The following MYOM2 variants were observed in gnomAD, a reference collection of about 807,000 sequenced individuals.
The protein encoded by MYOM2 is myomesin 2, also known as myomesin-2.
MYOM2 carries 254 observed loss-of-function variants against 187.6 expected under a neutral mutation model. The ratio of observed to expected loss-of-function variants is 1.35; its 90% CI spans 1.22 to 1.50. MYOM2 has a LOEUF of 1.50. MYOM2 is among the 40% of genes most tolerant of loss of function. The pLI is 0.00. For synonymous variants in MYOM2, 981 were observed against 753.8 expected (o/e 1.30, Z -4.94); for missense variants, 2,796 against 1,924.0 (o/e 1.45, Z -8.48).
At chr8:2,121,810 T>C (rs991385822) in intron 28 of MYOM2, among the ~76,000 whole-genome samples, 1 of 152,206 alleles carries the variant, frequency 6.6e-6, no homozygotes, top group Non-Finnish European at 1.5e-5. Context: ...CGCTGACTCT[T>C]AGGAAGTGTG....
intron 10 of MYOM2, among the ~76,000 whole-genome samples, 164 bp from the exon 11 acceptor site, chr8:2,075,977 A>G (rs905567222): frequency 7.9e-5 from 12 of 152,212 alleles, no homozygotes; most frequent in African/African-American, 2.9e-4. Flanking sequence ...ATTTCTTGTC[A>G]CCAACCCGCC....
chr8:2,115,763 C>T (rs988538834), intron 25 of MYOM2, among the ~76,000 whole-genome samples, 197 bp from the exon 26 acceptor site: 5 of 152,224 alleles, frequency 3.3e-5, no homozygotes, highest in African/African-American at 1.2e-4. Context: ...CACAGCCAGG[C>T]TTTGTCACTG....
chr8:2,137,698 T>C (rs62480008), intron 32 of MYOM2, among the ~76,000 whole-genome samples: 56,196 of 151,862 alleles, frequency 0.37, 11,279 homozygotes, highest in African/African-American at 0.53. Flanking sequence ...GAGTTCCACA[T>C]GCTTGTGGAA....
chr8:2,108,663 C>A (rs753197531), intron 23 of MYOM2, 123 bp from the exon 24 acceptor site: 44 of 930,824 alleles, frequency 4.7e-5, no homozygotes, highest in Non-Finnish European at 7.4e-5. Context: ...GTTTAAATTC[C>A]TTTCGTGTCC....
chr8:2,138,829 G>A (rs74509300), intron 32 of MYOM2, among the ~76,000 whole-genome samples: 1 of 150,680 alleles, frequency 6.6e-6, no homozygotes, highest in East Asian at 2.0e-4. Flanking sequence ...AAGTCTCAGG[G>A]TGAAGCCAAT....
At chr8:2,057,324 G>C in intron 3 of MYOM2, 24 bp from the exon 4 acceptor site, 1 of 1,586,352 alleles carries the variant, frequency 6.3e-7, no homozygotes, top group Non-Finnish European at 8.6e-7. Flanking sequence ...TCCTGCAACT[G>C]AGGCTGCTTC....
intron 14 of MYOM2, 24 bp from the exon 15 acceptor site, chr8:2,089,984 T>C (rs745806269): frequency 9.9e-6 from 16 of 1,610,962 alleles, no homozygotes; most frequent in Admixed American, 1.7e-5. Flanking sequence ...TCACTGCCAG[T>C]CTCGTTTCTG....
At chr8:2,140,322 A>C (rs886836520) in intron 32 of MYOM2, among the ~76,000 whole-genome samples, 2 of 152,066 alleles carry the variant, frequency 1.3e-5, no homozygotes, top group African/African-American at 4.8e-5. Flanking sequence ...GCGGTCGTGA[A>C]CGATACTACG....
intron 25 of MYOM2, among the ~76,000 whole-genome samples, chr8:2,110,770 A>G (rs1030287287): frequency 7.2e-5 from 11 of 152,190 alleles, no homozygotes; most frequent in African/African-American, 2.7e-4. Context: ...TGGACCCCTC[A>G]TTGCAGTCCA....
intron 17 of MYOM2, among the ~76,000 whole-genome samples, chr8:2,095,184 G>A (rs764660086): frequency 2.0e-5 from 3 of 152,078 alleles, no homozygotes; most frequent in Non-Finnish European, 4.4e-5. Flanking sequence ...GTACAATAGC[G>A]CTGACTCTTT....
At position 2,096,129 on chromosome 8, in the gene MYOM2, T is replaced by G. The variant is rs903399611; in HGVS notation, c.2126-118T>G. On this transcript the variant is annotated intron_variant, in intron 17 of 36. Coordinates refer to ENST00000262113, the MANE Select transcript of MYOM2 (RefSeq NM_003970.4). ...GGTTGAGAGGGATCAGAGGGCACAG[T>G]GTTCAGGCCCGTCTCCACGTTGCTT... 497 of 896,374 alleles carry G rather than the reference T, an allele frequency of 5.5e-4. 7 individuals are homozygous for G. Among genetic ancestry groups the G allele is most frequent in the Admixed American group, 3.8e-4 (17 of 44,360 alleles). 55.5% of individuals were successfully genotyped at this position (896,374 alleles called of 1,614,324 possible).
At chr8:2,098,802 G>A in intron 18 of MYOM2, 55 bp from the exon 19 acceptor site, 1 of 1,534,610 alleles carries the variant, frequency 6.5e-7, no homozygotes, top group African/African-American at 1.4e-5. Flanking sequence ...CTCCCCCTCA[G>A]TGGGCTGTAA....
rs1436343874 is a variant in MYOM2, at chr8:2,124,208, A to C, written c.3685A>C (p.Arg1229=). The change falls in exon 31 of 37, where the codon AGA becomes CGA. Residue 1229 remains arginine, a synonymous_variant. Transcript: ENST00000262113. The part of the protein sequence containing the change: ...VYDDMILAMS[R]VCGKSASPLK... Reference sequence around the variant, plus strand: ...TGATGATATGATTTTGGCAATGAGTAGAGTCTGTGGTAAGTAAATGCCTTT... The same window carrying C: ...TGATGATATGATTTTGGCAATGAGTCGAGTCTGTGGTAAGTAAATGCCTTT... 16 of 1,612,720 alleles carry C rather than the reference A, an allele frequency of 9.9e-6. No individual in the cohort carries two copies. Among genetic ancestry groups the C allele is most frequent in the East Asian group, 2.2e-5 (1 of 44,882 alleles).
chr8:2,049,161 T>C (rs1039221119), intron 1 of MYOM2, among the ~76,000 whole-genome samples: 1 of 152,206 alleles, frequency 6.6e-6, no homozygotes, highest in Admixed American at 6.5e-5. Flanking sequence ...TGGTGCACTC[T>C]AAAACACGGC....
intron 6 of MYOM2, among the ~76,000 whole-genome samples, chr8:2,067,813 T>C (rs1184611168): frequency 1.3e-5 from 2 of 152,172 alleles, no homozygotes; most frequent in African/African-American, 4.8e-5. Flanking sequence ...GGAGTCCAAC[T>C]CAGACATTTC....
At chr8:2,142,622 C>A (rs1585984733) in intron 35 of MYOM2, among the ~76,000 whole-genome samples, 1 of 151,944 alleles carries the variant, frequency 6.6e-6, no homozygotes, top group African/African-American at 2.4e-5. Flanking sequence ...GGACACCCTC[C>A]CTCCCTCCTC....
At chr8:2,047,493 C>G (rs981957978) in intron 1 of MYOM2, among the ~76,000 whole-genome samples, 2 of 152,186 alleles carry the variant, frequency 1.3e-5, no homozygotes, top group African/African-American at 4.8e-5. Context: ...AAGACTTGAG[C>G]TTGCTACTCT....
chr8:2,057,823 G>A (rs780698179), intron 5 of MYOM2, 43 bp downstream of exon 5: 38 of 1,592,388 alleles, frequency 2.4e-5, no homozygotes, highest in Middle Eastern at 3.3e-4. Flanking sequence ...TCCATTCTGC[G>A]TTTTCTTTCA....
intron 21 of MYOM2, among the ~76,000 whole-genome samples, 192 bp downstream of exon 21, chr8:2,102,973 G>C (rs1356220311): frequency 6.6e-6 from 1 of 151,900 alleles, no homozygotes; most frequent in African/African-American, 2.4e-5. Context: ...ATGTATGTAT[G>C]GGTATGTGGA....
Sources: gnomAD v4.1 joint callset for allele counts (sites outside exome capture counted in the v4.1 genomes callset) on GRCh38, gnomAD v4.1.1 for gene constraint, MANE v1.5 for transcripts, NCBI Gene and HGNC (gene_info 2026-07-23, HGNC 2026-07-21) for gene names.